The following ANKRD36 variants were observed in gnomAD, a reference collection of about 807,000 sequenced individuals.
ANKRD36 encodes the protein ankyrin repeat domain 36.
ANKRD36 carries 179 observed loss-of-function variants against 278.1 expected under a neutral mutation model. The ratio of observed to expected loss-of-function variants is 0.64; its 90% CI spans 0.57 to 0.73. The LOEUF is 0.73. Among genes scored for constraint, ANKRD36 ranks in the 30% least tolerant of loss-of-function variants. The pLI is 0.00. For missense variants in ANKRD36, 1,159 were observed against 1,956.7 expected (o/e 0.59, Z 7.69); for synonymous variants, 320 against 641.1 (o/e 0.50, Z 7.57).
chr2:97,227,726 G>A (rs1411014745), intron 67 of ANKRD36, among the ~76,000 whole-genome samples: 2 of 152,112 alleles, frequency 1.3e-5, no homozygotes, highest in Admixed American at 1.3e-4. Context: ...TTTTCAAAGG[G>A]AATGCTTCCA....
chr2:97,221,223 TGCC>T (rs1370154561), intron 66 of ANKRD36, among the ~76,000 whole-genome samples: 1 of 123,910 alleles, frequency 8.1e-6, no homozygotes, highest in African/African-American at 4.0e-5. Context: ...TTGTGAATAG[TGCC>T]GCAATAAACA....
chr2:97,221,786 G>T (rs1487790949), intron 66 of ANKRD36, among the ~76,000 whole-genome samples: 1 of 147,868 alleles, frequency 6.8e-6, no homozygotes, highest in Non-Finnish European at 1.5e-5. Flanking sequence ...AGTTTAATTA[G>T]ATCCCATTTG....
At chr2:97,217,257 A>G in intron 63 of ANKRD36, 43 bp from the exon 64 acceptor site, 3 of 1,546,960 alleles carry the variant, frequency 1.9e-6, no homozygotes, top group South Asian at 2.4e-5. Context: ...AGCCTATGAA[A>G]TATATATTAT....
chr2:97,199,154 T>C (rs2060603021), intron 44 of ANKRD36, among the ~76,000 whole-genome samples: 1 of 151,902 alleles, frequency 6.6e-6, no homozygotes, highest in Non-Finnish European at 1.5e-5. Flanking sequence ...AAGTCATTTA[T>C]ATAATTTTGG....
intron 48 of ANKRD36, among the ~76,000 whole-genome samples, chr2:97,203,306 A>T (rs1043560594): frequency 6.6e-6 from 1 of 151,828 alleles, no homozygotes; most frequent in African/African-American, 2.4e-5. Context: ...CTGAATGAAA[A>T]ACTGATCAAT....
chr2:97,204,686 C>G (rs1203225437), intron 50 of ANKRD36, among the ~76,000 whole-genome samples: 1 of 151,468 alleles, frequency 6.6e-6, no homozygotes, highest in African/African-American at 2.4e-5. Context: ...TAAGGAGACC[C>G]CTGGTGTAGC....
chr2:97,227,787 C>T (rs1388478581), intron 67 of ANKRD36, among the ~76,000 whole-genome samples: 2 of 152,042 alleles, frequency 1.3e-5, no homozygotes, highest in African/African-American at 2.4e-5. Flanking sequence ...ATAGATAGCT[C>T]TTATTATTTT....
intron 46 of ANKRD36, among the ~76,000 whole-genome samples, chr2:97,200,796 T>G (rs1378078048): frequency 6.6e-6 from 1 of 151,880 alleles, no homozygotes; most frequent in Non-Finnish European, 1.5e-5. Flanking sequence ...CCAGCATAAT[T>G]TTGCTTTAAT....
intron 56 of ANKRD36, among the ~76,000 whole-genome samples, 155 bp downstream of exon 56, chr2:97,210,027 T>A (rs1263079219): frequency 6.6e-6 from 1 of 151,854 alleles, no homozygotes; most frequent in East Asian, 2.0e-4. Flanking sequence ...GTGGTGCTGA[T>A]GCTGCTGGCC....
chr2:97,237,339 C>T (rs909826929), intron 68 of ANKRD36, among the ~76,000 whole-genome samples: 2 of 149,892 alleles, frequency 1.3e-5, no homozygotes, highest in East Asian at 4.2e-4. Flanking sequence ...TCACAATCAC[C>T]CCAAGCCCAT....
chr2:97,150,729 A>G (rs1157058422), intron 12 of ANKRD36, among the ~76,000 whole-genome samples: 2 of 152,272 alleles, frequency 1.3e-5, no homozygotes, highest in Non-Finnish European at 2.9e-5. Flanking sequence ...GGAAGCTTAG[A>G]TTAGGATTTT....
intron 66 of ANKRD36, among the ~76,000 whole-genome samples, chr2:97,223,027 A>G (rs2068199926): frequency 1.3e-5 from 2 of 151,914 alleles, no homozygotes; most frequent in South Asian, 2.1e-4. Flanking sequence ...ATAAAATGTT[A>G]TTAATAAGTC....
chr2:97,175,511 C>T (rs1377016441), intron 22 of ANKRD36, among the ~76,000 whole-genome samples: 1 of 151,890 alleles, frequency 6.6e-6, no homozygotes, highest in Non-Finnish European at 1.5e-5. Flanking sequence ...TGAATCTTCT[C>T]TCTTTTTTTC....
In ANKRD36 at chr2:97,182,075, C is replaced by T. The variant is rs2056383529; in HGVS notation, c.1837+282C>T. Among the ~76,000 whole-genome samples the T allele has an allele frequency of 1.3e-5, 2 of 151,222 alleles. 1 individual carries two copies. The highest frequency in any genetic ancestry group is 3.0e-5 in the Non-Finnish European group (2 of 67,660). The stretch of plus-strand genomic sequence containing the variant: ...GCATAATTTTGCATTAATTCTACAG[C>T]ATGTTTTCACCAAGGGAGGAAGGAG... On this transcript the variant is annotated intron_variant, in intron 26 of 75. Coordinates refer to ENST00000420699, the MANE Select transcript of ANKRD36 (RefSeq NM_001354587.1).
intron 6 of ANKRD36, among the ~76,000 whole-genome samples, chr2:97,127,869 T>A (rs1429283770): frequency 6.6e-6 from 1 of 152,024 alleles, no homozygotes; most frequent in Non-Finnish European, 1.5e-5. Flanking sequence ...GATAGGGACT[T>A]TTTTTTCCTG....
In ANKRD36 at chr2:97,118,441, A is replaced by G; in HGVS notation, c.410A>G (p.Tyr137Cys). 1 of 1,606,886 alleles carries G rather than the reference A, an allele frequency of 6.2e-7. No homozygotes were observed. The highest frequency in any genetic ancestry group is 8.5e-7 in the Non-Finnish European group (1 of 1,177,642). ...TTCTTTGGAAGGACTGCTCTGCACT[A>G]CGCTGTGTATAATGAAGATACATCC... is the stretch of plus-strand genomic sequence containing the variant. ...TDFFGRTALH[Y>C]AVYNEDTSMI... The change falls in exon 3 of 76, where the codon TAC (tyrosine) becomes TGC (cysteine). Residue 137 changes from tyrosine (Y) to cysteine (C), a missense_variant. Transcript: ENST00000420699.
At chr2:97,222,641 G>A (rs1244928593) in intron 66 of ANKRD36, among the ~76,000 whole-genome samples, 60 of 152,198 alleles carry the variant, frequency 3.9e-4, no homozygotes, top group Non-Finnish European at 7.2e-4. Flanking sequence ...ACATAACAGT[G>A]TCATTTTGCT....
rs141590622 is a variant in ANKRD36, at chr2:97,206,271, C to A, written c.3163+136C>A. 6.8e-3 allele frequency: 7,247 copies of A among 1,064,816 alleles called. 243 individuals carry two copies. In the African/African-American group the frequency reaches 0.078, roughly 12 times the overall value. 66.0% of individuals were successfully genotyped at this position (1,064,816 alleles called of 1,614,324 possible). ...GGCCGGAGATTCTTCATTTGTAGTA[C>A]GTTCTTGGGTGATGCTGATGCTGCT... On this transcript the variant is annotated intron_variant, in intron 52 of 75. Coordinates refer to ENST00000420699, the MANE Select transcript of ANKRD36 (RefSeq NM_001354587.1).
rs777115538 is a variant in ANKRD36 at position 97,154,684 on chromosome 2, C to T, written c.1203C>T (p.Tyr401=). 200 of 1,486,188 alleles carry T rather than the reference C, an allele frequency of 1.3e-4. 21 individuals carry two copies. The highest frequency in any genetic ancestry group is 1.7e-4 in the Non-Finnish European group (189 of 1,105,620). 92.1% of individuals were successfully genotyped at this position (1,486,188 alleles called of 1,614,324 possible). ...PVEEAVDRCL[Y]LLDRFAQPVT... ...TCTTTTTGCTCTGTAGGTGTCTCTA[C>T]CTACTGGACCGTTTTGCACAGCCTG... The change falls in exon 15 of 76, where the codon TAC becomes TAT. Residue 401 remains tyrosine, a synonymous_variant. Transcript: ENST00000420699.
Sources: gnomAD v4.1 joint callset for allele counts (sites outside exome capture counted in the v4.1 genomes callset) on GRCh38, gnomAD v4.1.1 for gene constraint, MANE v1.5 for transcripts, NCBI Gene and HGNC (gene_info 2026-07-23, HGNC 2026-07-21) for gene names.